Variants in CNPPD1 observed in about 807,000 individuals in gnomAD.
The protein encoded by CNPPD1 is cyclin Pas1/PHO80 domain containing 1.
CNPPD1 carries 40 observed loss-of-function variants against 43.7 expected under a neutral mutation model. That is an observed-to-expected ratio of 0.92 (90% CI 0.71 to 1.19). The LOEUF is 1.19. CNPPD1 is among the 50% of genes most tolerant of loss of function. The pLI, the probability that CNPPD1 is intolerant of heterozygous loss-of-function variation, is 0.00. For synonymous variants in CNPPD1, 208 were observed against 214.3 expected (o/e 0.97, Z 0.26); for missense variants, 511 against 518.5 (o/e 0.99, Z 0.14).
At chr2:219,176,653 A>C in intron 1 of CNPPD1, 107 bp downstream of exon 1, 1 of 890,822 alleles carries the variant, frequency 1.1e-6, no homozygotes, top group Non-Finnish European at 1.7e-6. Context: ...GCACTGCTCG[A>C]GCAGCTGCCG....
chr2:219,174,665 G>A, intron 5 of CNPPD1, 113 bp downstream of exon 5: 17 of 1,405,070 alleles, frequency 1.2e-5, no homozygotes, highest in Non-Finnish European at 1.5e-5. Context: ...AAAGGCAGGA[G>A]GAGGACAGGA....
At position 219,172,459 on chromosome 2, in the gene CNPPD1, G is replaced by T; in HGVS notation, c.*127C>A. On this transcript the variant is annotated 3_prime_UTR_variant, in exon 8 of 8. Transcript: ENST00000360507. ...GTCCTTCTGCCCCACCACCCCATAA[G>T]CTCCCACCCAGGAGGACAGGGGACC... 1.0e-6 allele frequency: 1 copy of T among 976,530 alleles called. No individual in the cohort carries two copies. Among genetic ancestry groups the T allele is most frequent in the Non-Finnish European group, 1.6e-6 (1 of 634,604 alleles). The allele number at this position is 976,530 out of a possible 1,614,324, so 60.5% of individuals were successfully genotyped here. A position where few individuals can be genotyped will look rare whatever the true frequency, so the allele number is the denominator to read the frequency against.
In CNPPD1 at chr2:219,172,821, A is replaced by C; in HGVS notation, c.998T>G (p.Leu333Arg). The change falls in exon 8 of 8, where the codon CTT becomes CGT. Residue 333 changes from leucine (L) to arginine (R), a missense_variant. Transcript: ENST00000360507. ...CTTCTGGCAAAGGTGGCAGTTATGA[A>C]GAAGAGTGGGAGGGGCAGGGGGGTC... ...PPDPPAPPTLLHNCHLCQKLQ... is the reference protein window; with the variant it reads ...PPDPPAPPTLRHNCHLCQKLQ... 6.3e-7 allele frequency: 1 copy of C among 1,592,564 alleles called. No individual in the cohort carries two copies. Among genetic ancestry groups the C allele is most frequent in the Non-Finnish European group, 8.5e-7 (1 of 1,169,722 alleles).
rs779210449 is a variant in CNPPD1 at position 219,176,775 on chromosome 2, G to A, written c.54C>T (p.Gly18=). 36 of 1,581,840 alleles carry A rather than the reference G, an allele frequency of 2.3e-5. No individual in the cohort carries two copies. The highest frequency in any genetic ancestry group is 2.8e-5 in the Non-Finnish European group (33 of 1,164,646). ...CCCCACTCACCGTGAAGTCCTGGAA[G>A]CCGGCGAGGGAGAAGGTGCCTTCTT... ...LDEEGTFSLA[G]FQDFTFLPGH... The change falls in exon 1 of 8, where the codon GGC becomes GGT. Residue 18 remains glycine (G), a synonymous_variant. Coordinates refer to ENST00000360507, the MANE Select transcript of CNPPD1 (RefSeq NM_015680.6).
Position 219,172,773 on chromosome 2 carries a change from C to T in CNPPD1, c.1046G>A (p.Cys349Tyr). The change falls in exon 8 of 8, where the codon TGC (cysteine) becomes TAC (tyrosine). Residue 349 changes from cysteine (C) to tyrosine (Y), a missense_variant. Transcript: ENST00000360507. The part of the protein sequence containing the change: ...CQKLQRDSPT[C>Y]HACLHPNRTV... ...ACGGTTGGGGTGGAGGCAGGCATGG[C>T]AGGTTGGGGAGTCTCTCTGGAGCTT... 1 of 1,607,708 alleles carries T rather than the reference C, an allele frequency of 6.2e-7. No homozygotes were observed. The highest frequency in any genetic ancestry group is 1.3e-5 in the African/African-American group (1 of 74,720).
In CNPPD1 at chr2:219,176,712, G is replaced by C. The variant is rs774430770; in HGVS notation, c.69+48C>G. 299 of 1,337,250 alleles carry C rather than the reference G, an allele frequency of 2.2e-4. 2 individuals are homozygous for C. In the African/African-American group the frequency reaches 4.2e-3, roughly 19 times the overall value. 82.8% of individuals were successfully genotyped at this position (1,337,250 alleles called of 1,614,324 possible). ...GCGAGCTCGCAGCGCCGCTCAGGCC[G>C]GGAGGGGCGCGCCGGGAGGCCGGGG... On this transcript the variant is annotated intron_variant, in intron 1 of 7. Coordinates refer to ENST00000360507, the MANE Select transcript of CNPPD1 (RefSeq NM_015680.6).
rs1950156283 is a variant in CNPPD1, at chr2:219,176,233, G to A, written c.168C>T (p.Ser56=). The A allele has an allele frequency of 2.5e-6, 4 of 1,611,338 alleles. No homozygotes were observed. The highest frequency in any genetic ancestry group is 2.7e-5 in the African/African-American group (2 of 74,868). Residue 56 remains serine (S), a synonymous_variant, in exon 2 of 8, where the codon AGC becomes AGT. Transcript: ENST00000360507. Reference sequence around the variant, plus strand: ...ACAACACTGCCTAACCTGCCACCGGGCTGGAGAGCTCCTCCAGGCTACAGT... The same window carrying A: ...ACAACACTGCCTAACCTGCCACCGGACTGGAGAGCTCCTCCAGGCTACAGT... ...EADCSLEELS[S]PVADIAVELL...
At chr2:219,177,480 A>C (rs1950195432), upstream of CNPPD1, among the ~76,000 whole-genome samples, 1 of 152,214 alleles carries the variant, frequency 6.6e-6, no homozygotes, top group South Asian at 2.1e-4. Context: ...TGCATATGAA[A>C]AGCGTCTGAA....
At chr2:219,173,232 C>A (rs1280215691) in intron 7 of CNPPD1, 104 bp from the exon 8 acceptor site, 3 of 1,407,560 alleles carry the variant, frequency 2.1e-6, no homozygotes, top group East Asian at 4.6e-5. Context: ...CCATTTACAC[C>A]CCACTCTGCC....
At chr2:219,174,276 T>C (rs1048706160) in intron 5 of CNPPD1, 69 bp from the exon 6 acceptor site, 7 of 1,465,102 alleles carry the variant, frequency 4.8e-6, no homozygotes, top group African/African-American at 1.4e-5. Flanking sequence ...ATAAGAGCCA[T>C]AGCAGCAACT....
At position 219,172,553 on chromosome 2, in the gene CNPPD1, CAA is replaced by C; in HGVS notation, c.*31_*32del. 1.2e-6 allele frequency: 2 copies of C among 1,611,464 alleles called. No individual in the cohort carries two copies. The highest frequency in any genetic ancestry group is 1.7e-6 in the Non-Finnish European group (2 of 1,177,844). On this transcript the variant is annotated 3_prime_UTR_variant, in exon 8 of 8. Coordinates refer to ENST00000360507, the MANE Select transcript of CNPPD1 (RefSeq NM_015680.6). ...GCTCCTCCAGGTTCTCAGAAACTCCCAAACCCTCTTAATGCATTCCTCACAGC... is the reference window on the plus strand; with the variant it reads ...GCTCCTCCAGGTTCTCAGAAACTCCCACCCTCTTAATGCATTCCTCACAGC...
At position 219,173,385 on chromosome 2, in the gene CNPPD1, A is replaced by G. The variant is rs754984268; in HGVS notation, c.655T>C (p.Leu219=). 6.2e-7 allele frequency: 1 copy of G among 1,613,640 alleles called. No individual in the cohort carries two copies. The highest frequency in any genetic ancestry group is 1.7e-5 in the Admixed American group (1 of 60,018). Residue 219 remains leucine, a synonymous_variant, in exon 7 of 8, where the codon TTG becomes CTG. Coordinates refer to ENST00000360507, the MANE Select transcript of CNPPD1 (RefSeq NM_015680.6). ...CVLLEQPTWQ[L]ALGSLCQRLV... The stretch of plus-strand genomic sequence containing the variant: ...CGCTGGCAGAGGGAGCCCAGGGCCA[A>G]CTGCCAGGTCGGCTGCTCCAGCAGC...
chr2:219,176,939 G>A (rs1419354599), upstream of CNPPD1: 3 of 935,218 alleles, frequency 3.2e-6, no homozygotes, highest in African/African-American at 3.5e-5. Context: ...TCCCCGGGGC[G>A]GGCCGCCGTC....
chr2:219,173,317 T>G (rs202192957), intron 7 of CNPPD1, 33 bp downstream of exon 7: 1 of 1,589,546 alleles, frequency 6.3e-7, no homozygotes, highest in Non-Finnish European at 8.6e-7. Flanking sequence ...ACCGGCCTGC[T>G]CAAGCTCCCT....
chr2:219,172,476 C>G lies in CNPPD1; in HGVS notation c.*110G>C, dbSNP rs1950085572. 2.6e-6 allele frequency: 3 copies of G among 1,164,268 alleles called. No homozygotes were observed. The highest frequency in any genetic ancestry group is 1.5e-5 in the African/African-American group (1 of 65,950). The allele number at this position is 1,164,268 out of a possible 1,614,324, so 72.1% of individuals were successfully genotyped here. A position where few individuals can be genotyped will look rare whatever the true frequency, so the allele number is the denominator to read the frequency against. On this transcript the variant is annotated 3_prime_UTR_variant, in exon 8 of 8. Coordinates refer to ENST00000360507, the MANE Select transcript of CNPPD1 (RefSeq NM_015680.6). ...CCCCATAAGCTCCCACCCAGGAGGA[C>G]AGGGGACCTGCCAAGGACCCAGCGA...
chr2:219,176,662 C>G (rs1267854134), intron 1 of CNPPD1, 98 bp downstream of exon 1: 1 of 958,300 alleles, frequency 1.0e-6, no homozygotes, highest in Non-Finnish European at 1.6e-6. Context: ...GAGCAGCTGC[C>G]GCCCAGTCCC....
chr2:219,175,688 G>C lies in CNPPD1; in HGVS notation c.179-16C>G. 6.2e-7 allele frequency: 1 copy of C among 1,612,838 alleles called. No individual in the cohort carries two copies. The highest frequency in any genetic ancestry group is 8.5e-7 in the Non-Finnish European group (1 of 1,179,044). Reference sequence around the variant, plus strand: ...ACAGCAATGTCTGCAAGGGACAGAAGGAAGGCCGAGTGAGCAAACAAGCAC... The same window carrying C: ...ACAGCAATGTCTGCAAGGGACAGAACGAAGGCCGAGTGAGCAAACAAGCAC... On this transcript the variant is annotated splice_polypyrimidine_tract_variant and intron_variant, in intron 2 of 7. Coordinates refer to ENST00000360507, the MANE Select transcript of CNPPD1 (RefSeq NM_015680.6).
chr2:219,176,957 T>C (rs1950180054), upstream of CNPPD1: 5 of 725,742 alleles, frequency 6.9e-6, no homozygotes, highest in Non-Finnish European at 1.1e-5. Context: ...GTCCTCGCCC[T>C]CGCCCTCGCA....
Position 219,173,107 on chromosome 2 carries a change from C to T in CNPPD1, c.712G>A (p.Ala238Thr), listed in dbSNP as rs752900706. The T allele has an allele frequency of 1.3e-6, 2 of 1,588,746 alleles. No individual in the cohort carries two copies. The highest frequency in any genetic ancestry group is 1.7e-6 in the Non-Finnish European group (2 of 1,169,860). The change falls in exon 8 of 8, where the codon GCA (alanine) becomes ACA (threonine). Residue 238 changes from alanine to threonine, a missense_variant. Transcript: ENST00000360507. ...GCCAGGGCCACACTGCTCACATATG[C>T]CACAGCTAACAGGCAAGACAGCTGC... The part of the protein sequence containing the change: ...LVKLSCLLAV[A>T]YVSSVALAVA...
Sources: allele counts gnomAD v4.1 joint callset (sites outside exome capture counted in the v4.1 genomes callset), GRCh38; gene constraint gnomAD v4.1.1; transcripts MANE v1.5; gene names NCBI Gene and HGNC (gene_info 2026-07-23, HGNC 2026-07-21).